Variants in PLD5 observed in about 807,000 individuals in gnomAD.
The protein encoded by PLD5 is phospholipase D family member 5.
PLD5 carries 36 observed loss-of-function variants against 61.1 expected under a neutral mutation model. That is an observed-to-expected ratio of 0.59 (90% CI 0.45 to 0.78). The LOEUF is 0.78. Ranked by LOEUF, PLD5 falls within the 30% of genes least tolerant of loss-of-function variation. PLD5 has a pLI of 0.00. For missense variants in PLD5, 515 were observed against 644.4 expected (o/e 0.80, Z 2.17); for synonymous variants, 243 against 242.8 (o/e 1.00, Z -0.01).
intron 5 of PLD5, among the ~76,000 whole-genome samples, chr1:242,162,024 C>T (rs556602222): frequency 6.6e-6 from 1 of 152,166 alleles, no homozygotes; most frequent in South Asian, 2.1e-4. Flanking sequence ...TAGTTATTGC[C>T]TATTTGGTAG....
intron 2 of PLD5, among the ~76,000 whole-genome samples, chr1:242,346,832 G>C (rs1660164721): frequency 6.6e-6 from 1 of 152,076 alleles, no homozygotes; most frequent in Non-Finnish European, 1.5e-5. Context: ...ACAGGCCCTA[G>C]GGTGTGTTGT....
intron 4 of PLD5, among the ~76,000 whole-genome samples, chr1:242,220,755 G>C (rs984289754): frequency 1.4e-5 from 1 of 70,708 alleles, no homozygotes; most frequent in African/African-American, 4.9e-5. Context: ...TTTTATTTTT[G>C]AGACAGAGTC....
intron 5 of PLD5, among the ~76,000 whole-genome samples, chr1:242,152,559 T>C (rs1219796283): frequency 1.3e-5 from 2 of 151,330 alleles, no homozygotes; most frequent in East Asian, 3.9e-4. Flanking sequence ...CTTGTGTCCA[T>C]GTGTTCTCAT....
intron 5 of PLD5, among the ~76,000 whole-genome samples, chr1:242,203,289 C>T (rs1445589506): frequency 6.6e-6 from 1 of 152,168 alleles, no homozygotes; most frequent in East Asian, 1.9e-4. Flanking sequence ...CCAATGAGGG[C>T]GCACCTGAAA....
At chr1:242,302,143 T>C (rs541992697) in intron 2 of PLD5, among the ~76,000 whole-genome samples, 1 of 152,354 alleles carries the variant, frequency 6.6e-6, no homozygotes, top group East Asian at 1.9e-4. Context: ...TGTGTTAAAA[T>C]TGCCTGTAGT....
intron 4 of PLD5, among the ~76,000 whole-genome samples, chr1:242,228,044 A>C (rs562705852): frequency 6.6e-6 from 1 of 152,186 alleles, no homozygotes; most frequent in Non-Finnish European, 1.5e-5. Flanking sequence ...TAGTTTCATA[A>C]CTAGTGTTAT....
intron 1 of PLD5, 72 bp downstream of exon 1, chr1:242,524,016 C>T: frequency 6.9e-7 from 1 of 1,446,302 alleles, no homozygotes; most frequent in Non-Finnish European, 9.1e-7. Context: ...CGCGCGCGCT[C>T]ATGCCACCAC....
chr1:242,239,901 G>T (rs1671887418), intron 4 of PLD5, among the ~76,000 whole-genome samples: 1 of 152,252 alleles, frequency 6.6e-6, no homozygotes, highest in African/African-American at 2.4e-5. Context: ...ATTGAAAACT[G>T]TACTTGGGCA....
chr1:242,090,149 T>A, intron 9 of PLD5, 39 bp from the exon 10 acceptor site: 1 of 1,609,230 alleles, frequency 6.2e-7, no homozygotes, highest in Non-Finnish European at 8.5e-7. Flanking sequence ...GGAGTTAGAG[T>A]CCACTGGGAA....
chr1:242,172,530 A>C (rs1666825260), intron 5 of PLD5, among the ~76,000 whole-genome samples: 1 of 152,222 alleles, frequency 6.6e-6, no homozygotes, highest in African/African-American at 2.4e-5. Context: ...CTAAGATCAG[A>C]GTAGAAGTGA....
intron 2 of PLD5, among the ~76,000 whole-genome samples, chr1:242,292,838 T>C (rs1425264837): frequency 2.6e-5 from 4 of 152,220 alleles, no homozygotes; most frequent in East Asian, 1.9e-4. Context: ...TACTGCAGGA[T>C]ACACATGAGC....
chr1:242,365,614 G>A (rs12038564), intron 1 of PLD5: 1 of 157,480 alleles, frequency 6.4e-6, no homozygotes, highest in Non-Finnish European at 1.4e-5. Context: ...TGAAAATGAA[G>A]TGGATGAGGT....
At chr1:242,383,763 T>G (rs930685475) in intron 1 of PLD5, among the ~76,000 whole-genome samples, 1 of 152,182 alleles carries the variant, frequency 6.6e-6, no homozygotes, top group Non-Finnish European at 1.5e-5. Context: ...TTGCATAATC[T>G]TAAGCATATG....
At chr1:242,443,048 T>C (rs1666347406) in intron 1 of PLD5, among the ~76,000 whole-genome samples, 1 of 152,206 alleles carries the variant, frequency 6.6e-6, no homozygotes, top group African/African-American at 2.4e-5. Flanking sequence ...TAACAAGCTA[T>C]ACATTCTATG....
At chr1:242,498,029 A>G (rs1668429637) in intron 1 of PLD5, among the ~76,000 whole-genome samples, 1 of 152,082 alleles carries the variant, frequency 6.6e-6, no homozygotes, top group East Asian at 1.9e-4. Flanking sequence ...CAATGATGCG[A>G]TCTCAGCTCA....
intron 1 of PLD5, among the ~76,000 whole-genome samples, chr1:242,479,815 G>T (rs527470072): frequency 9.2e-5 from 14 of 151,794 alleles, no homozygotes; most frequent in Admixed American, 3.3e-4. Flanking sequence ...AGGCTGAGGT[G>T]GGTGGATCAC....
At chr1:242,179,343 T>C (rs1171675194) in intron 5 of PLD5, among the ~76,000 whole-genome samples, 2 of 152,170 alleles carry the variant, frequency 1.3e-5, no homozygotes, top group African/African-American at 4.8e-5. Context: ...CTGCAGGGAA[T>C]TTAAAAATAA....
At chr1:242,410,024 C>T (rs1243333925) in intron 1 of PLD5, among the ~76,000 whole-genome samples, 1 of 152,172 alleles carries the variant, frequency 6.6e-6, no homozygotes. Flanking sequence ...CCAAGGACCC[C>T]TTTTCCCCTC....
chr1:242,187,156 T>C (rs1209113822), intron 5 of PLD5, among the ~76,000 whole-genome samples: 2 of 152,276 alleles, frequency 1.3e-5, no homozygotes, highest in East Asian at 3.9e-4. Context: ...GTAAGAGAAG[T>C]GCCTAGGGGA....
Sources: allele counts gnomAD v4.1 joint callset (sites outside exome capture counted in the v4.1 genomes callset), GRCh38; gene constraint gnomAD v4.1.1; transcripts MANE v1.5; gene names NCBI Gene and HGNC (gene_info 2026-07-23, HGNC 2026-07-21).